Variants in PRIM2 observed in about 807,000 individuals in gnomAD.
The protein encoded by PRIM2 is DNA primase subunit 2, also known as DNA primase large subunit.
Under a neutral mutation model 67.3 loss-of-function variants are expected in PRIM2, and 39 were observed. The observed-to-expected ratio is 0.58, with a 90% CI of 0.45 to 0.76. The LOEUF is 0.76. Ranked by LOEUF, PRIM2 falls within the 30% of genes least tolerant of loss-of-function variation. The probability of loss-of-function intolerance (pLI) is 0.00; values close to 1 mark genes in which losing one functional copy is unlikely to be tolerated. For synonymous variants in PRIM2, 143 were observed against 198.7 expected, an observed-to-expected ratio of 0.72 and a Z score of 2.36; for missense variants, 398 against 598.7, an observed-to-expected ratio of 0.66 and a Z score of 3.50.
At chr6:57,488,300 G>C (rs1248509298) in intron 7 of PRIM2, among the ~76,000 whole-genome samples, 1 of 152,154 alleles carries the variant, frequency 6.6e-6, no homozygotes, top group Non-Finnish European at 1.5e-5. Context: ...GTTTTCTGGT[G>C]GTATTGGTTG....
chr6:57,403,249 ATTT>A (rs71299587), intron 7 of PRIM2, among the ~76,000 whole-genome samples: 910 of 109,974 alleles, frequency 8.3e-3, no homozygotes, highest in African/African-American at 0.025. Context: ...CAGGTGAAGA[ATTT>A]TTTTTTTTTT....
chr6:57,623,832 T>G (rs1479616765), intron 12 of PRIM2, among the ~76,000 whole-genome samples: 1 of 152,164 alleles, frequency 6.6e-6, no homozygotes, highest in Non-Finnish European at 1.5e-5. Flanking sequence ...GCAATGTATT[T>G]CTTGTTAAAG....
rs1258516373 is a variant in PRIM2, at chr6:57,347,674, C to A, written c.459+21629C>A. ...GCCTAGGCTGGTCTTGAACTTCAGG[C>A]CTTAAGTGATCCTTGCAACTTGGCC... On this transcript the variant is annotated intron_variant, in intron 5 of 13. Coordinates refer to ENST00000615550, the MANE Select transcript of PRIM2 (RefSeq NM_000947.5). Among the ~76,000 whole-genome samples the A allele has an allele frequency of 3.9e-5, 6 of 152,258 alleles. No homozygotes were observed. In the East Asian group the frequency reaches 1.2e-3, roughly 29 times the overall value.
intron 5 of PRIM2, among the ~76,000 whole-genome samples, chr6:57,362,093 G>A (rs997671378): frequency 7.9e-5 from 12 of 152,138 alleles, no homozygotes; most frequent in Middle Eastern, 6.8e-3. Flanking sequence ...TATTGAATTG[G>A]GTCAACAAAT....
At chr6:57,337,162 A>G (rs542712589) in intron 5 of PRIM2, among the ~76,000 whole-genome samples, 46 of 152,348 alleles carry the variant, frequency 3.0e-4, no homozygotes, top group Non-Finnish European at 6.3e-4. Flanking sequence ...AGAGCTAACT[A>G]TCCTAAATAT....
At chr6:57,547,213 A>G (rs1775306965) in intron 10 of PRIM2, among the ~76,000 whole-genome samples, 1 of 152,168 alleles carries the variant, frequency 6.6e-6, no homozygotes, top group Admixed American at 6.5e-5. Context: ...CCTGGGTGCA[A>G]GAGATATAAA....
At chr6:57,440,349 G>T (rs944534952) in intron 7 of PRIM2, among the ~76,000 whole-genome samples, 5 of 151,856 alleles carry the variant, frequency 3.3e-5, no homozygotes, top group African/African-American at 1.2e-4. Flanking sequence ...CAGTGTTATA[G>T]TGTGATCATA....
intron 7 of PRIM2, among the ~76,000 whole-genome samples, chr6:57,404,069 GGTA>G (rs1403127072): frequency 8.8e-6 from 1 of 113,030 alleles, no homozygotes; most frequent in African/African-American, 3.8e-5. Flanking sequence ...TATTATTCAT[GGTA>G]GTACTTAGCA....
chr6:57,313,424 TAGTA>T (rs1562687596), upstream of PRIM2, among the ~76,000 whole-genome samples: 1 of 152,338 alleles, frequency 6.6e-6, no homozygotes, highest in East Asian at 1.9e-4. Flanking sequence ...GCCTGGCACT[TAGTA>T]AGTGTTTAAT....
At chr6:57,360,725 A>C (rs1443653664) in intron 5 of PRIM2, among the ~76,000 whole-genome samples, 11 of 152,222 alleles carry the variant, frequency 7.2e-5, no homozygotes, top group Non-Finnish European at 1.3e-4. Flanking sequence ...CAAAGTGAAC[A>C]AGATACAGCA....
intron 7 of PRIM2, among the ~76,000 whole-genome samples, chr6:57,469,590 CA>C (rs1773289008): frequency 6.6e-6 from 1 of 152,042 alleles, no homozygotes; most frequent in Admixed American, 6.6e-5. Flanking sequence ...AATTTGTATG[CA>C]AGATATGAAA....
At chr6:57,459,754 G>C (rs1263551638) in intron 7 of PRIM2, among the ~76,000 whole-genome samples, 1 of 152,154 alleles carries the variant, frequency 6.6e-6, no homozygotes, top group Non-Finnish European at 1.5e-5. Context: ...GCCTTGAGCT[G>C]GTGGGATGAG....
Position 57,410,433 on chromosome 6 carries a change from T to C in PRIM2, c.693+28265T>C, listed in dbSNP as rs575685577. On this transcript the variant is annotated intron_variant, in intron 7 of 13. Coordinates refer to ENST00000615550, the MANE Select transcript of PRIM2 (RefSeq NM_000947.5). ...TTGTAAAGAATAATTTGATCATGGG[T>C]ATGTTTCTGTACTTTTTTCTGTTCC... Among the ~76,000 whole-genome samples, 9 of 151,888 alleles carry C rather than the reference T, an allele frequency of 5.9e-5. No homozygotes were observed. In the South Asian group the frequency reaches 1.7e-3, roughly 28 times the overall value.
At chr6:57,482,113 C>A (rs1366227819) in intron 7 of PRIM2, among the ~76,000 whole-genome samples, 17 of 150,782 alleles carry the variant, frequency 1.1e-4, no homozygotes, top group Non-Finnish European at 2.1e-4. Flanking sequence ...GGTATTGATG[C>A]CTGGTGACCA....
At chr6:57,240,861 G>A in the PRIM2 span, among the ~76,000 whole-genome samples, 1 of 152,072 alleles carries the variant, frequency 6.6e-6, no homozygotes. Flanking sequence ...GGTTGAGGCA[G>A]GAGGATCACT....
chr6:57,312,782 A>G (rs1484421805), upstream of PRIM2, among the ~76,000 whole-genome samples: 3 of 152,218 alleles, frequency 2.0e-5, no homozygotes, highest in African/African-American at 7.2e-5. Context: ...CATCAAGACC[A>G]TAAAGACCGT....
At chr6:57,529,096 G>A (rs1774830015) in intron 8 of PRIM2, among the ~76,000 whole-genome samples, 1 of 151,336 alleles carries the variant, frequency 6.6e-6, no homozygotes, top group East Asian at 2.0e-4. Context: ...GGATTACGAG[G>A]TCAGGAGATC....
chr6:57,368,886 A>G (rs1769455628), intron 5 of PRIM2, among the ~76,000 whole-genome samples: 1 of 152,182 alleles, frequency 6.6e-6, no homozygotes, highest in East Asian at 1.9e-4. Flanking sequence ...TGGGCCAGCT[A>G]CAACCCTGCT....
intron 9 of PRIM2, among the ~76,000 whole-genome samples, chr6:57,536,344 C>T (rs1246181703): frequency 6.6e-6 from 1 of 152,184 alleles, no homozygotes; most frequent in Non-Finnish European, 1.5e-5. Flanking sequence ...TCATTTTTGG[C>T]ACTAAGGCAC....
Sources: gnomAD v4.1 joint callset for allele counts (sites outside exome capture counted in the v4.1 genomes callset) on GRCh38, gnomAD v4.1.1 for gene constraint, MANE v1.5 for transcripts, NCBI Gene and HGNC (gene_info 2026-07-23, HGNC 2026-07-21) for gene names.